The following ANXA3 variants were observed in gnomAD, a reference collection of about 807,000 sequenced individuals.
The protein encoded by ANXA3 is annexin A3, also known as 35-alpha calcimedin.
A neutral mutation model predicts 48.8 loss-of-function variants in ANXA3; 46 were observed. The observed-to-expected ratio is 0.94, with a 90% CI of 0.74 to 1.21. The LOEUF (loss-of-function observed/expected upper bound fraction) is 1.21. ANXA3 is among the 50% of genes most tolerant of loss of function. The pLI is 0.00. For synonymous variants in ANXA3, 128 were observed against 134.7 expected (o/e 0.95, Z 0.35); for missense variants, 383 against 378.6 (o/e 1.01, Z -0.10).
At chr4:78,581,633 TAA>T (rs1723072142) in intron 4 of ANXA3, among the ~76,000 whole-genome samples, 1 of 152,154 alleles carries the variant, frequency 6.6e-6, no homozygotes, top group African/African-American at 2.4e-5. Context: ...TCAGAAAAAA[TAA>T]GTCTAATGTA....
intron 12 of ANXA3, 78 bp from the exon 13 acceptor site, chr4:78,609,978 G>A (rs1723724084): frequency 1.8e-6 from 2 of 1,113,558 alleles, no homozygotes; most frequent in Non-Finnish European, 2.7e-6. Flanking sequence ...GAATTCCCTA[G>A]TGCTATAGGA....
intron 12 of ANXA3, among the ~76,000 whole-genome samples, chr4:78,609,609 T>G (rs1180696935): frequency 6.6e-6 from 1 of 152,234 alleles, no homozygotes; most frequent in East Asian, 1.9e-4. Context: ...TTTCCTAACC[T>G]GTCTTTCTCA....
At chr4:78,595,648 C>A in intron 8 of ANXA3, 146 bp from the exon 9 acceptor site, 1 of 748,414 alleles carries the variant, frequency 1.3e-6, no homozygotes, top group Admixed American at 2.9e-5. Context: ...TCCTGACAGC[C>A]CAATTTTTGA....
At chr4:78,586,636 A>T (rs1174425473) in intron 6 of ANXA3, among the ~76,000 whole-genome samples, 1 of 152,224 alleles carries the variant, frequency 6.6e-6, no homozygotes, top group Non-Finnish European at 1.5e-5. Flanking sequence ...TGAATTAACC[A>T]TTGTCATCAA....
At chr4:78,606,483 A>C (rs28629444) in intron 12 of ANXA3, among the ~76,000 whole-genome samples, 3 of 152,044 alleles carry the variant, frequency 2.0e-5, no homozygotes, top group African/African-American at 4.8e-5. Context: ...GGGAGCTTAC[A>C]CTCAGCGATG....
Position 78,591,547 on chromosome 4 carries a change from A to G in ANXA3, c.407A>G (p.Tyr136Cys), listed in dbSNP as rs1361290062. 1.9e-6 allele frequency: 3 copies of G among 1,609,054 alleles called. No individual in the cohort carries two copies. Among genetic ancestry groups the G allele is most frequent in the Admixed American group, 3.3e-5 (2 of 59,768 alleles). ...TTTCATTCTGATTTGGTTTCAGTAT[A>G]CAAGAAGAGTCTTGGAGATGACATT... ...KDISQAYYTV[Y>C]KKSLGDDISS... The change falls in exon 7 of 13, where the codon TAC becomes TGC. Residue 136 changes from tyrosine (Y) to cysteine (C), a missense_variant. Transcript: ENST00000264908.
chr4:78,582,140 G>C, intron 4 of ANXA3, 37 bp from the exon 5 acceptor site: 1 of 1,402,120 alleles, frequency 7.1e-7, no homozygotes, highest in Non-Finnish European at 1.0e-6. Flanking sequence ...GAGAAAAAAA[G>C]TATTTCACAT....
intron 5 of ANXA3, among the ~76,000 whole-genome samples, chr4:78,585,535 G>T (rs752869477): frequency 5.9e-5 from 9 of 152,222 alleles, no homozygotes; most frequent in Non-Finnish European, 1.2e-4. Context: ...CACTGTAAAA[G>T]AAGCTGAGAA....
intron 7 of ANXA3, among the ~76,000 whole-genome samples, chr4:78,594,202 T>G (rs1723366299): frequency 2.0e-5 from 3 of 152,232 alleles, no homozygotes; most frequent in Admixed American, 1.3e-4. Context: ...GCCTTTAAGG[T>G]TCCTCTATGT....
chr4:78,560,188 C>A (rs1240306961), intron 2 of ANXA3, among the ~76,000 whole-genome samples: 2 of 152,152 alleles, frequency 1.3e-5, no homozygotes, highest in Non-Finnish European at 2.9e-5. Flanking sequence ...AGTGGGCATA[C>A]TGGAATACAG....
intron 10 of ANXA3, 87 bp downstream of exon 10, chr4:78,597,501 G>A: frequency 1.2e-6 from 1 of 846,774 alleles, no homozygotes; most frequent in South Asian, 1.6e-5. Flanking sequence ...CAAGAATCCT[G>A]ACTGATCCAT....
intron 3 of ANXA3, among the ~76,000 whole-genome samples, chr4:78,578,298 C>CGAGAGAGAGAGAGAGA (rs1220106430): frequency 0.02 from 918 of 46,404 alleles, 68 homozygotes; most frequent in East Asian, 0.027. Context: ...AGAGAGAGAG[C>CGAGAGAGAGAGAGAGA]GAGAGAGAGA....
rs1001905267 is a variant in ANXA3, at chr4:78,568,217, C to A, written c.16-4963C>A. On this transcript the variant is annotated intron_variant, in intron 2 of 12. Coordinates refer to ENST00000264908, the MANE Select transcript of ANXA3 (RefSeq NM_005139.3). ...CACTTGACTGCATTTTATTTCAGGG[C>A]TGTTTACAGTAAACTTTCTTTGGTT... Among the ~76,000 whole-genome samples, 4 of 152,190 alleles carry A rather than the reference C, an allele frequency of 2.6e-5. No individual in the cohort carries two copies. In the East Asian group the frequency reaches 7.7e-4, roughly 29 times the overall value.
At chr4:78,559,807 C>A (rs1196084828) in intron 2 of ANXA3, among the ~76,000 whole-genome samples, 1 of 152,214 alleles carries the variant, frequency 6.6e-6, no homozygotes, top group Non-Finnish European at 1.5e-5. Context: ...GTGCTTATCT[C>A]ATCTACGGTT....
chr4:78,564,382 G>A (rs930240431), intron 2 of ANXA3, among the ~76,000 whole-genome samples: 6 of 152,136 alleles, frequency 3.9e-5, no homozygotes, highest in African/African-American at 9.7e-5. Context: ...GCAACTCATC[G>A]GGCAGCCAAC....
chr4:78,591,384 C>A (rs1226135108), intron 6 of ANXA3, among the ~76,000 whole-genome samples, 160 bp from the exon 7 acceptor site: 1 of 152,168 alleles, frequency 6.6e-6, no homozygotes, highest in Non-Finnish European at 1.5e-5. Context: ...GAAGAATGTA[C>A]CATCTCACAA....
At chr4:78,561,068 T>C (rs1005138213) in intron 2 of ANXA3, among the ~76,000 whole-genome samples, 1 of 152,170 alleles carries the variant, frequency 6.6e-6, no homozygotes. Flanking sequence ...TGTTTGGTAA[T>C]AAATATAGAT....
intron 6 of ANXA3, among the ~76,000 whole-genome samples, 167 bp from the exon 7 acceptor site, chr4:78,591,377 G>A (rs1246268275): frequency 6.6e-6 from 1 of 152,172 alleles, no homozygotes; most frequent in Non-Finnish European, 1.5e-5. Context: ...GTTACAAGAA[G>A]AATGTACCAT....
At chr4:78,570,265 G>T (rs1328942521) in intron 2 of ANXA3, among the ~76,000 whole-genome samples, 2 of 152,054 alleles carry the variant, frequency 1.3e-5, no homozygotes, top group Non-Finnish European at 1.5e-5. Flanking sequence ...AATAAATTGG[G>T]AATTTCCTCC....
Sources: gnomAD v4.1 joint callset for allele counts (sites outside exome capture counted in the v4.1 genomes callset) on GRCh38, gnomAD v4.1.1 for gene constraint, MANE v1.5 for transcripts, NCBI Gene and HGNC (gene_info 2026-07-23, HGNC 2026-07-21) for gene names.